PKIG: variants seen among roughly 807,000 people sequenced by gnomAD.
PKIG encodes cAMP-dependent protein kinase inhibitor gamma.
PKIG carries 1 observed loss-of-function variant against 6.8 expected under a neutral mutation model. That is an observed-to-expected ratio of 0.15 (90% confidence interval 0.05 to 0.69). The LOEUF (loss-of-function observed/expected upper bound fraction) is 0.69, where lower values mean the gene tolerates loss of function less well. PKIG is among the 30% of genes least tolerant of loss of function. PKIG has a pLI of 0.82. For missense variants in PKIG, 77 were observed against 104.0 expected, an observed-to-expected ratio of 0.74 and a Z score of 1.13; for synonymous variants, 39 against 43.0, an observed-to-expected ratio of 0.91 and a Z score of 0.36.
chr20:44,607,830 G>T (rs1463644057), intron 2 of PKIG, among the ~76,000 whole-genome samples: 1 of 151,542 alleles, frequency 6.6e-6, no homozygotes, highest in Admixed American at 6.6e-5. Context: ...GACTACAGGC[G>T]CCCACTACCA....
intron 1 of PKIG, among the ~76,000 whole-genome samples, chr20:44,552,521 A>T (rs1568807344): frequency 6.6e-6 from 1 of 152,152 alleles, no homozygotes; most frequent in African/African-American, 2.4e-5. Context: ...TGCCTTGCTC[A>T]GGGTAATTCA....
chr20:44,558,887 G>A lies in PKIG; in HGVS notation c.-240-23698G>A, dbSNP rs2064743143. On this transcript the variant is annotated intron_variant, in intron 1 of 4. Coordinates refer to the PKIG transcript ENST00000372887. ...CTGCCTCAGTCTCCCAAGTAGCTGG[G>A]ACTATAAATGCGTGCCACTGTGCCC... Among the ~76,000 whole-genome samples, 2 of 151,960 alleles carry A rather than the reference G, an allele frequency of 1.3e-5. 1 individual carries two copies. The highest frequency in any genetic ancestry group is 1.3e-4 in the Admixed American group (2 of 15,214).
At chr20:44,545,514 A>G (rs1051302415) in intron 1 of PKIG, among the ~76,000 whole-genome samples, 2 of 151,758 alleles carry the variant, frequency 1.3e-5, no homozygotes, top group Non-Finnish European at 2.9e-5. Flanking sequence ...AAGATTGAAG[A>G]AAAAAATTAT....
chr20:44,611,155 A>G (rs1600901718), intron 2 of PKIG, among the ~76,000 whole-genome samples: 2 of 151,078 alleles, frequency 1.3e-5, no homozygotes, highest in African/African-American at 4.9e-5. Flanking sequence ...CATGGGTTCA[A>G]GAGATTCTCC....
At chr20:44,539,997 G>T (rs2064546560) in intron 1 of PKIG, among the ~76,000 whole-genome samples, 1 of 151,844 alleles carries the variant, frequency 6.6e-6, no homozygotes, top group African/African-American at 2.4e-5. Context: ...TCGTTCTGTT[G>T]CCCAGGCTGC....
intron 1 of PKIG, among the ~76,000 whole-genome samples, chr20:44,554,666 A>G (rs1268242056): frequency 6.6e-6 from 1 of 152,142 alleles, no homozygotes; most frequent in Non-Finnish European, 1.5e-5. Context: ...GGGGCAAAAA[A>G]CAGATTCTTG....
intron 2 of PKIG, among the ~76,000 whole-genome samples, chr20:44,596,605 T>C (rs1320083130): frequency 6.6e-6 from 1 of 152,188 alleles, no homozygotes; most frequent in East Asian, 1.9e-4. Flanking sequence ...AACCGGTATT[T>C]ACCTATGTAG....
At chr20:44,595,040 C>T (rs2065063522) in intron 2 of PKIG, among the ~76,000 whole-genome samples, 1 of 151,294 alleles carries the variant, frequency 6.6e-6, no homozygotes, top group South Asian at 2.1e-4. Flanking sequence ...GCTCCCAGGA[C>T]TCTTTTTCTG....
intron 1 of PKIG, among the ~76,000 whole-genome samples, chr20:44,538,672 C>T (rs2064534171): frequency 6.6e-6 from 1 of 152,092 alleles, no homozygotes; most frequent in South Asian, 2.1e-4. Context: ...TCCTCCTTTC[C>T]CCCCTGTAGT....
Position 44,618,582 on chromosome 20 carries a change from C to G in PKIG, c.*218C>G, listed in dbSNP as rs982435985. 3.9e-6 allele frequency: 2 copies of G among 506,584 alleles called. No individual in the cohort carries two copies. Among genetic ancestry groups the G allele is most frequent in the Non-Finnish European group, 7.2e-6 (2 of 277,604 alleles). The allele number at this position is 506,584 out of a possible 1,614,324, so 31.4% of individuals were successfully genotyped here. On this transcript the variant is annotated 3_prime_UTR_variant, in exon 4 of 4. Transcript: ENST00000372886. ...CATTCCCACCACCTTCGCACCGTGC[C>G]CAGGTACACTTTCAAGACACTGTAA... is the stretch of plus-strand genomic sequence containing the variant.
intron 1 of PKIG, among the ~76,000 whole-genome samples, chr20:44,539,212 A>G (rs1341137314): frequency 1.3e-5 from 2 of 151,992 alleles, no homozygotes; most frequent in African/African-American, 4.8e-5. Context: ...GGATTACTAC[A>G]GGCGTGAGCC....
chr20:44,540,260 C>T (rs964033273), intron 1 of PKIG, among the ~76,000 whole-genome samples: 2 of 152,132 alleles, frequency 1.3e-5, no homozygotes, highest in Non-Finnish European at 2.9e-5. Context: ...TGTGCCTGGC[C>T]CAGTTTTTCC....
At chr20:44,603,000 G>T (rs1233982542) in intron 2 of PKIG, among the ~76,000 whole-genome samples, 1 of 152,142 alleles carries the variant, frequency 6.6e-6, no homozygotes, top group Non-Finnish European at 1.5e-5. Context: ...ATGCAGGGCC[G>T]CACATTCTTT....
intron 1 of PKIG, among the ~76,000 whole-genome samples, chr20:44,567,372 AG>A (rs1216982298): frequency 2.0e-5 from 3 of 152,252 alleles, no homozygotes; most frequent in African/African-American, 7.2e-5. Flanking sequence ...CTCCTGGCTC[AG>A]GAGCTCAGAG....
Position 44,540,947 on chromosome 20 carries a change from A to G in PKIG, c.-241+8969A>G, listed in dbSNP as rs553917668. ...GTAAATGATTCTAACCAGCACTGGAACCATTAAAGGAATGTAGGGCCTCGT... is the reference window on the plus strand; with the variant it reads ...GTAAATGATTCTAACCAGCACTGGAGCCATTAAAGGAATGTAGGGCCTCGT... On this transcript the variant is annotated intron_variant, in intron 1 of 4. Coordinates refer to the PKIG transcript ENST00000372887. Among the ~76,000 whole-genome samples, 7 of 152,280 alleles carry G rather than the reference A, an allele frequency of 4.6e-5. 1 individual carries two copies. Among genetic ancestry groups the G allele is most frequent in the Admixed American group, 4.6e-4 (7 of 15,296 alleles).
chr20:44,578,273 G>A (rs1043212810), upstream of PKIG, among the ~76,000 whole-genome samples: 5 of 150,552 alleles, frequency 3.3e-5, no homozygotes, highest in African/African-American at 7.4e-5. Flanking sequence ...CCTGGGAGGC[G>A]GAGCTTGCAG....
intron 1 of PKIG, among the ~76,000 whole-genome samples, chr20:44,536,701 GA>G (rs1368456617): frequency 6.6e-6 from 1 of 152,212 alleles, no homozygotes; most frequent in Non-Finnish European, 1.5e-5. Flanking sequence ...GAAGTGAAAT[GA>G]CTTGATCTGA....
upstream of PKIG, among the ~76,000 whole-genome samples, chr20:44,580,354 G>T (rs2064937297): frequency 6.8e-6 from 1 of 147,040 alleles, no homozygotes; most frequent in Non-Finnish European, 1.5e-5. Flanking sequence ...TTTGTTTTTT[G>T]TTTTTTTTTT....
chr20:44,586,240 C>T (rs1200413169), intron 1 of PKIG, among the ~76,000 whole-genome samples: 2 of 152,184 alleles, frequency 1.3e-5, no homozygotes, highest in Non-Finnish European at 2.9e-5. Context: ...GCTCATAAAG[C>T]ACTTAGTTAG....
Sources: gnomAD v4.1 joint callset for allele counts (sites outside exome capture counted in the v4.1 genomes callset) on GRCh38, gnomAD v4.1.1 for gene constraint, MANE v1.5 for transcripts, NCBI Gene and HGNC (gene_info 2026-07-23, HGNC 2026-07-21) for gene names.